Variants in FANCC observed in about 807,000 individuals in gnomAD.
FANCC encodes Fanconi anemia group C protein.
Under a neutral mutation model 71.3 loss-of-function variants are expected in FANCC, and 55 were observed. That is an observed-to-expected ratio of 0.77 (90% confidence interval 0.62 to 0.97). The LOEUF (loss-of-function observed/expected upper bound fraction) is 0.97, where lower values mean the gene tolerates loss of function less well. FANCC is among the 50% of genes least tolerant of loss of function. The pLI is 0.00. For missense variants in FANCC, 678 were observed against 670.9 expected (o/e 1.01, Z -0.12); for synonymous variants, 275 against 244.9 (o/e 1.12, Z -1.15).
chr9:95,243,653 G>A (rs4647430), intron 3 of FANCC, among the ~76,000 whole-genome samples: 3,482 of 152,072 alleles, frequency 0.023, 144 homozygotes, highest in African/African-American at 0.08. Context: ...GATTAGCTGG[G>A]CGTGGTAGCG....
intron 1 of FANCC, among the ~76,000 whole-genome samples, chr9:95,303,531 G>A (rs1310121555): frequency 6.6e-6 from 1 of 152,202 alleles, no homozygotes; most frequent in Non-Finnish European, 1.5e-5. Context: ...TAACAGAAAT[G>A]TATTTTCTCA....
intron 4 of FANCC, among the ~76,000 whole-genome samples, chr9:95,240,104 G>T (rs1037939919): frequency 2.6e-5 from 4 of 152,210 alleles, no homozygotes; most frequent in Admixed American, 6.5e-5. Flanking sequence ...CAGCTATCTG[G>T]ACTAGCACAG....
At chr9:95,119,900 AG>A (rs2072734437) in intron 10 of FANCC, among the ~76,000 whole-genome samples, 1 of 152,108 alleles carries the variant, frequency 6.6e-6, no homozygotes, top group South Asian at 2.1e-4. Flanking sequence ...TTTGTAGAAA[AG>A]GGGTCTTACT....
intron 1 of FANCC, among the ~76,000 whole-genome samples, chr9:95,281,668 C>T (rs894335501): frequency 1.3e-5 from 2 of 151,984 alleles, no homozygotes; most frequent in Non-Finnish European, 2.9e-5. Context: ...GTGGTATGTA[C>T]ATCATATATT....
chr9:95,110,848 T>C, intron 13 of FANCC: 1 of 1,173,796 alleles, frequency 8.5e-7, no homozygotes, highest in Non-Finnish European at 1.1e-6. Flanking sequence ...ATATTCCACA[T>C]AAAATAACAA....
chr9:95,171,194 A>G, intron 5 of FANCC, 51 bp from the exon 6 acceptor site: 2 of 1,375,322 alleles, frequency 1.5e-6, no homozygotes, highest in South Asian at 2.3e-5. Flanking sequence ...ACAGGATTAC[A>G]TCAGTTCTAT....
At chr9:95,139,395 C>T (rs1828230966) in intron 7 of FANCC, among the ~76,000 whole-genome samples, 1 of 152,118 alleles carries the variant, frequency 6.6e-6, no homozygotes, top group African/African-American at 2.4e-5. Flanking sequence ...AGACACACAG[C>T]CCCGTGTTAA....
rs117472552 is a variant in FANCC, at chr9:95,239,380, G to T, written c.345+1269C>A. The stretch of plus-strand genomic sequence containing the variant: ...TATTAAACAAGAAAAACAATAAAAT[G>T]TGAGGCTAGAAATTTTTAAACAGGC... On this transcript the variant is annotated intron_variant, in intron 4 of 14. Transcript: ENST00000289081. Among the ~76,000 whole-genome samples, 480 of 152,292 alleles carry T rather than the reference G, an allele frequency of 3.2e-3. 9 individuals carry two copies. The East Asian group carries it at 0.044, about 14-fold the overall frequency.
At chr9:95,286,210 C>T (rs1833677592) in intron 1 of FANCC, among the ~76,000 whole-genome samples, 1 of 152,142 alleles carries the variant, frequency 6.6e-6, no homozygotes, top group African/African-American at 2.4e-5. Flanking sequence ...TTTTATTGTA[C>T]TTTTCATTAA....
rs185264615 is a variant in FANCC at position 95,104,934 on chromosome 9, G to C, written c.1533+2132C>G. Among the ~76,000 whole-genome samples the C allele has an allele frequency of 2.8e-3, 420 of 152,314 alleles. 4 individuals carry two copies. The highest frequency in any genetic ancestry group is 3.0e-3 in the Non-Finnish European group (205 of 68,030). The stretch of plus-strand genomic sequence containing the variant: ...CTTTTTAGATCCCACCCATAGGTGA[G>C]AGCATGCATTTGTCTCTCGCGTCTG... On this transcript the variant is annotated intron_variant, in intron 14 of 14. Transcript: ENST00000289081.
chr9:95,169,320 TTA>T (rs1276462863), intron 6 of FANCC, among the ~76,000 whole-genome samples: 13 of 152,160 alleles, frequency 8.5e-5, no homozygotes, highest in African/African-American at 3.1e-4. Context: ...GGAAAAGACA[TTA>T]AAGTTGTGAG....
At chr9:95,252,003 C>A (rs1457016287) in intron 1 of FANCC, among the ~76,000 whole-genome samples, 1 of 152,122 alleles carries the variant, frequency 6.6e-6, no homozygotes, top group Non-Finnish European at 1.5e-5. Flanking sequence ...AGAGGCGGGG[C>A]ACAGTGGCTC....
chr9:95,248,160 C>T (rs1831110390), intron 2 of FANCC, among the ~76,000 whole-genome samples: 1 of 152,194 alleles, frequency 6.6e-6, no homozygotes, highest in South Asian at 2.1e-4. Flanking sequence ...CACATGCATG[C>T]TATTGTACAA....
At chr9:95,254,216 C>T (rs963578811) in intron 1 of FANCC, among the ~76,000 whole-genome samples, 3 of 152,192 alleles carry the variant, frequency 2.0e-5, no homozygotes, top group African/African-American at 7.2e-5. Context: ...AAGTATAAAT[C>T]GTATTTATAT....
At chr9:95,288,093 A>G (rs560741030) in intron 1 of FANCC, among the ~76,000 whole-genome samples, 17 of 152,312 alleles carry the variant, frequency 1.1e-4, no homozygotes, top group Admixed American at 1.0e-3. Flanking sequence ...CAGAACAAGT[A>G]CTTCTGACAT....
chr9:95,185,255 T>A (rs1452242340), intron 4 of FANCC, among the ~76,000 whole-genome samples: 1 of 152,220 alleles, frequency 6.6e-6, no homozygotes, highest in Non-Finnish European at 1.5e-5. Flanking sequence ...CATATTAGAA[T>A]AATCTACAAT....
At chr9:95,233,992 T>C (rs1185848435) in intron 4 of FANCC, among the ~76,000 whole-genome samples, 1 of 152,198 alleles carries the variant, frequency 6.6e-6, no homozygotes, top group East Asian at 1.9e-4. Flanking sequence ...ATATGCATTA[T>C]GGTCTCCATG....
intron 1 of FANCC, among the ~76,000 whole-genome samples, chr9:95,287,632 T>C (rs1016070839): frequency 1.3e-5 from 2 of 152,214 alleles, no homozygotes; most frequent in Non-Finnish European, 2.9e-5. Flanking sequence ...AGAATTCCAT[T>C]TGTCAAATCA....
chr9:95,247,348 GA>G, intron 3 of FANCC, 83 bp downstream of exon 3: 1 of 1,004,854 alleles, frequency 1.0e-6, no homozygotes, highest in Non-Finnish European at 1.5e-6. Context: ...AAAAAACTAG[GA>G]GAAAGGTTCA....
Sources: allele counts gnomAD v4.1 joint callset (sites outside exome capture counted in the v4.1 genomes callset), GRCh38; gene constraint gnomAD v4.1.1; transcripts MANE v1.5; gene names NCBI Gene and HGNC (gene_info 2026-07-23, HGNC 2026-07-21).